Variants in CDH17 observed in about 807,000 individuals in gnomAD.
The protein encoded by CDH17 is cadherin-17.
Under a neutral mutation model 86.3 loss-of-function variants are expected in CDH17, and 67 were observed. That is an observed-to-expected ratio of 0.78 (90% confidence interval 0.64 to 0.95). The LOEUF (loss-of-function observed/expected upper bound fraction) is 0.95. CDH17 is among the 40% of genes least tolerant of loss of function. The pLI, the probability that CDH17 is intolerant of heterozygous loss-of-function variation, is 0.00. For synonymous variants in CDH17, 367 were observed against 366.4 expected (o/e 1.00, Z -0.02); for missense variants, 993 against 1,017.6 (o/e 0.98, Z 0.33).
intron 9 of CDH17, among the ~76,000 whole-genome samples, chr8:94,167,022 C>T (rs1443337446): frequency 1.3e-5 from 2 of 152,168 alleles, no homozygotes; most frequent in Non-Finnish European, 2.9e-5. Flanking sequence ...GACGCTAATA[C>T]ACATGGCAAA....
At chr8:94,189,352 A>G (rs1813642675) in intron 2 of CDH17, 67 bp from the exon 3 acceptor site, 4 of 1,108,536 alleles carry the variant, frequency 3.6e-6, no homozygotes, top group African/African-American at 1.6e-5. Flanking sequence ...TGATTTTATT[A>G]GGGCTTCCAG....
intron 12 of CDH17, among the ~76,000 whole-genome samples, chr8:94,157,483 C>G (rs1439336309): frequency 6.6e-6 from 1 of 152,132 alleles, no homozygotes; most frequent in Admixed American, 6.5e-5. Flanking sequence ...TCTGAAAGAA[C>G]CTAATCCGAG....
intron 14 of CDH17, among the ~76,000 whole-genome samples, chr8:94,147,888 C>T (rs928614555): frequency 6.6e-6 from 1 of 152,180 alleles, no homozygotes; most frequent in Non-Finnish European, 1.5e-5. Flanking sequence ...ACACAGATAC[C>T]CCTTGTTCAC....
rs555800731 is a variant in CDH17, at chr8:94,180,321, A to T, written c.151-2600T>A. Among the ~76,000 whole-genome samples, 13 of 152,242 alleles carry T rather than the reference A, an allele frequency of 8.5e-5. No individual in the cohort carries two copies. The South Asian group carries it at 2.7e-3, about 32-fold the overall frequency. On this transcript the variant is annotated intron_variant, in intron 3 of 17. Coordinates refer to ENST00000027335, the MANE Select transcript of CDH17 (RefSeq NM_004063.4). Reference sequence around the variant, plus strand: ...TCAAGCAGAAAAACACATACATAATAAAAGTTCCAGAAGGAAAGGAAAAAG... The same window carrying T: ...TCAAGCAGAAAAACACATACATAATTAAAGTTCCAGAAGGAAAGGAAAAAG...
intron 3 of CDH17, among the ~76,000 whole-genome samples, chr8:94,181,752 G>A (rs889943431): frequency 6.6e-6 from 1 of 151,010 alleles, no homozygotes; most frequent in African/African-American, 2.4e-5. Flanking sequence ...AGAAAAAGAA[G>A]AATAGCAAAG....
chr8:94,177,814 T>C (rs1813404671), intron 3 of CDH17, 93 bp from the exon 4 acceptor site: 1 of 1,191,300 alleles, frequency 8.4e-7, no homozygotes, highest in South Asian at 1.4e-5. Flanking sequence ...AAAATTTTCA[T>C]TGGTTCAATT....
intron 15 of CDH17, among the ~76,000 whole-genome samples, chr8:94,135,921 T>C (rs1425721353): frequency 6.6e-6 from 1 of 152,184 alleles, no homozygotes; most frequent in African/African-American, 2.4e-5. Context: ...GAAGCTTAGT[T>C]TGGCTGGATA....
Position 94,165,816 on chromosome 8 carries a change from G to A in CDH17, c.1227C>T (p.Ser409=). 1 of 1,613,916 alleles carries A rather than the reference G, an allele frequency of 6.2e-7. No individual in the cohort carries two copies. Among genetic ancestry groups the A allele is most frequent in the South Asian group, 1.1e-5 (1 of 91,078 alleles). ...YAGMLQLAKQ[S]LKKQDTPQYN... ...ACTGAGGAGTATCTTGCTTCTTCAA[G>A]GACTGTTTAGCTAACTGTAACATTC... is the stretch of plus-strand genomic sequence containing the variant. The change falls in exon 10 of 18, where the codon TCC becomes TCT. Residue 409 remains serine (S), a synonymous_variant. Coordinates refer to ENST00000027335, the MANE Select transcript of CDH17 (RefSeq NM_004063.4).
At chr8:94,186,496 G>C (rs1405467433) in intron 3 of CDH17, among the ~76,000 whole-genome samples, 1 of 152,074 alleles carries the variant, frequency 6.6e-6, no homozygotes, top group African/African-American at 2.4e-5. Flanking sequence ...AGGCAAACAG[G>C]CACCCCCAAG....
intron 15 of CDH17, among the ~76,000 whole-genome samples, chr8:94,137,678 C>G (rs2247948): frequency 0.82 from 125,383 of 152,054 alleles, 51,848 homozygotes; most frequent in African/African-American, 0.85. Flanking sequence ...TGAAAAACAG[C>G]GCACTACATA....
intron 15 of CDH17, among the ~76,000 whole-genome samples, chr8:94,132,307 G>C (rs1237603298): frequency 6.6e-6 from 1 of 152,166 alleles, no homozygotes; most frequent in African/African-American, 2.4e-5. Context: ...GTGTAAAAGT[G>C]TTCCTATTTC....
chr8:94,193,773 C>T (rs1813729827), intron 2 of CDH17, among the ~76,000 whole-genome samples: 1 of 152,072 alleles, frequency 6.6e-6, no homozygotes. Context: ...CTGCAGATTT[C>T]CCCCGGGAGG....
chr8:94,215,485 G>A (rs942397404), intron 1 of CDH17, among the ~76,000 whole-genome samples: 1 of 151,994 alleles, frequency 6.6e-6, no homozygotes, highest in African/African-American at 2.4e-5. Context: ...CCTGCAGTTG[G>A]GGGGCAGAGG....
At chr8:94,162,520 G>C (rs897555200) in intron 10 of CDH17, among the ~76,000 whole-genome samples, 1 of 152,216 alleles carries the variant, frequency 6.6e-6, no homozygotes, top group Non-Finnish European at 1.5e-5. Flanking sequence ...TCAAAGTCCA[G>C]AGCAAAACTG....
intron 15 of CDH17, among the ~76,000 whole-genome samples, chr8:94,131,820 C>T (rs1812426330): frequency 6.6e-6 from 1 of 152,104 alleles, no homozygotes; most frequent in South Asian, 2.1e-4. Context: ...TAATGCTATC[C>T]TCCCCCAGAC....
chr8:94,176,457 T>C, intron 5 of CDH17, 84 bp downstream of exon 5: 1 of 1,423,972 alleles, frequency 7.0e-7, no homozygotes, highest in Non-Finnish European at 9.7e-7. Flanking sequence ...GAGTGACAGC[T>C]GCAGCTATTA....
upstream of CDH17, among the ~76,000 whole-genome samples, chr8:94,213,034 G>C (rs1250676103): frequency 6.6e-6 from 1 of 152,232 alleles, no homozygotes; most frequent in African/African-American, 2.4e-5. Flanking sequence ...CTAGACTGCA[G>C]CATGTAATCA....
chr8:94,183,354 G>A (rs1221085503), intron 3 of CDH17, among the ~76,000 whole-genome samples: 1 of 152,104 alleles, frequency 6.6e-6, no homozygotes, highest in Admixed American at 6.5e-5. Flanking sequence ...CAAAGGTGTA[G>A]TTCCAGATAA....
chr8:94,150,151 G>T (rs1376373690), intron 13 of CDH17, among the ~76,000 whole-genome samples: 1 of 152,086 alleles, frequency 6.6e-6, no homozygotes, highest in Non-Finnish European at 1.5e-5. Context: ...TATATACATG[G>T]GTAATGAGTA....
Sources: gnomAD v4.1 joint callset for allele counts (sites outside exome capture counted in the v4.1 genomes callset) on GRCh38, gnomAD v4.1.1 for gene constraint, MANE v1.5 for transcripts, NCBI Gene and HGNC (gene_info 2026-07-23, HGNC 2026-07-21) for gene names.